Variants in SPEF2 observed in about 807,000 individuals in gnomAD.
The protein encoded by SPEF2 is sperm flagella and cilia-associated protein 2.
SPEF2 carries 187 observed loss-of-function variants against 224.6 expected under a neutral mutation model. The observed-to-expected ratio is 0.83, with a 90% CI of 0.74 to 0.94. The LOEUF is 0.94. Ranked by LOEUF, SPEF2 falls within the 40% of genes least tolerant of loss-of-function variation. SPEF2 has a pLI of 0.00. For synonymous variants in SPEF2, 715 were observed against 707.3 expected, an observed-to-expected ratio of 1.01 and a Z score of -0.17; for missense variants, 2,170 against 2,135.6, an observed-to-expected ratio of 1.02 and a Z score of -0.32.
intron 21 of SPEF2, among the ~76,000 whole-genome samples, chr5:35,737,041 C>T (rs929389120): frequency 2.0e-5 from 3 of 152,162 alleles, no homozygotes; most frequent in East Asian, 1.9e-4. Flanking sequence ...CAGGATCATA[C>T]TGATAAAGCT....
intron 8 of SPEF2, among the ~76,000 whole-genome samples, chr5:35,662,068 C>T (rs1170652327): frequency 1.3e-5 from 2 of 152,148 alleles, no homozygotes; most frequent in Non-Finnish European, 2.9e-5. Context: ...TCCTTTTTCT[C>T]TACAACCTCA....
At position 35,760,673 on chromosome 5, in the gene SPEF2, A is replaced by C. The variant is rs574324987; in HGVS notation, c.3620+954A>C. On this transcript the variant is annotated intron_variant, in intron 25 of 36. Coordinates refer to ENST00000356031, the MANE Select transcript of SPEF2 (RefSeq NM_024867.4). ...TGTGCAATATAAAAGTCTGTAAGTCATTGTTTTTGTAGATCCAATGGGTAG... is the reference window on the plus strand; with the variant it reads ...TGTGCAATATAAAAGTCTGTAAGTCCTTGTTTTTGTAGATCCAATGGGTAG... Among the ~76,000 whole-genome samples, 197 of 152,298 alleles carry C rather than the reference A, an allele frequency of 1.3e-3. 1 individual carries two copies. Among genetic ancestry groups the C allele is most frequent in the African/African-American group, 4.6e-3 (192 of 41,564 alleles).
At chr5:35,741,210 T>C (rs991394530) in intron 23 of SPEF2, among the ~76,000 whole-genome samples, 3 of 152,136 alleles carry the variant, frequency 2.0e-5, no homozygotes, top group African/African-American at 7.2e-5. Context: ...TCATAAGAGC[T>C]ATGTAGAGAG....
chr5:35,772,184 T>C (rs562226169), intron 27 of SPEF2, among the ~76,000 whole-genome samples: 1 of 152,260 alleles, frequency 6.6e-6, no homozygotes, highest in South Asian at 2.1e-4. Context: ...CTCAGTAGCA[T>C]GAGGGAAAAC....
At chr5:35,685,832 A>G (rs958890244) in intron 10 of SPEF2, among the ~76,000 whole-genome samples, 8 of 151,750 alleles carry the variant, frequency 5.3e-5, no homozygotes, top group Non-Finnish European at 1.0e-4. Flanking sequence ...GAGCTAAATC[A>G]TACACAAGAA....
chr5:35,810,347 G>C (rs1176815042), intron 36 of SPEF2, among the ~76,000 whole-genome samples: 2 of 152,090 alleles, frequency 1.3e-5, no homozygotes, highest in African/African-American at 4.8e-5. Context: ...GAGTAGCTGG[G>C]ATGACAGGTG....
At chr5:35,806,211 C>T (rs1758028204) in intron 34 of SPEF2, among the ~76,000 whole-genome samples, 2 of 152,262 alleles carry the variant, frequency 1.3e-5, no homozygotes, top group East Asian at 3.9e-4. Flanking sequence ...AAAATCCCAA[C>T]CTGATTTTGT....
Position 35,771,688 on chromosome 5 carries a change from A to G in SPEF2, c.3881A>G (p.Gln1294Arg). Residue 1294 changes from glutamine (Q) to arginine (R), a missense_variant, in exon 27 of 37, where the codon CAG (glutamine) becomes CGG (arginine). Coordinates refer to ENST00000356031, the MANE Select transcript of SPEF2 (RefSeq NM_024867.4). ...QPADPKEKSP[Q>R]MGANKKVKKE... ...GCAGACCCCAAAGAAAAATCTCCTC[A>G]GATGGGTGCAAATAAAAAAGTCAAA... The G allele has an allele frequency of 6.2e-7, 1 of 1,609,336 alleles. No homozygotes were observed. Among genetic ancestry groups the G allele is most frequent in the Non-Finnish European group, 8.5e-7 (1 of 1,178,884 alleles).
intron 21 of SPEF2, among the ~76,000 whole-genome samples, chr5:35,737,082 A>G (rs531944432): frequency 6.6e-6 from 1 of 152,310 alleles, no homozygotes; most frequent in Admixed American, 6.5e-5. Flanking sequence ...AATTCTTTGA[A>G]GAAATGCTTT....
At chr5:35,794,554 G>C (rs541967182) in intron 32 of SPEF2, among the ~76,000 whole-genome samples, 19 of 152,286 alleles carry the variant, frequency 1.2e-4, no homozygotes, top group African/African-American at 4.3e-4. Flanking sequence ...AATTTGTTAA[G>C]GTGGTTTTGT....
intron 36 of SPEF2, among the ~76,000 whole-genome samples, chr5:35,811,624 G>T (rs1758536206): frequency 6.6e-6 from 1 of 151,180 alleles, no homozygotes; most frequent in African/African-American, 2.4e-5. Flanking sequence ...GGTGGGGGGG[G>T]TGGGGTTTGT....
intron 28 of SPEF2, among the ~76,000 whole-genome samples, chr5:35,775,213 G>A (rs1271686006): frequency 2.6e-5 from 4 of 152,002 alleles, no homozygotes; most frequent in East Asian, 1.9e-4. Flanking sequence ...GTGAAGGATC[G>A]ATTGTGTTTG....
chr5:35,774,123 A>G (rs1753268215), intron 28 of SPEF2, 102 bp downstream of exon 28: 1 of 1,432,150 alleles, frequency 7.0e-7, no homozygotes, highest in South Asian at 1.4e-5. Flanking sequence ...CATGTCTATG[A>G]GAACATACAG....
At chr5:35,695,851 A>G (rs1755235280) in intron 14 of SPEF2, 55 bp downstream of exon 14, 2 of 1,394,628 alleles carry the variant, frequency 1.4e-6, no homozygotes, top group Non-Finnish European at 2.0e-6. Flanking sequence ...GTCATGATTA[A>G]TGGTGTTTTG....
chr5:35,643,179 C>T (rs1188995376), intron 3 of SPEF2, among the ~76,000 whole-genome samples: 1 of 151,780 alleles, frequency 6.6e-6, no homozygotes, highest in Non-Finnish European at 1.5e-5. Context: ...AAACAAGTGC[C>T]TATTAGCTCA....
chr5:35,789,526 C>A, intron 30 of SPEF2: 1 of 652,390 alleles, frequency 1.5e-6, no homozygotes, highest in South Asian at 1.8e-5. Flanking sequence ...ATGGTGGATT[C>A]AGCCACACAC....
At chr5:35,682,896 C>T (rs1753033675) in intron 10 of SPEF2, among the ~76,000 whole-genome samples, 1 of 152,144 alleles carries the variant, frequency 6.6e-6, no homozygotes, top group African/African-American at 2.4e-5. Context: ...TCGGCAGCAT[C>T]ATTCAATCAC....
intron 20 of SPEF2, among the ~76,000 whole-genome samples, chr5:35,726,873 TAACAGATCTAGATTCCCCTCTTG>T (rs1212007523): frequency 6.6e-6 from 1 of 152,174 alleles, no homozygotes; most frequent in Non-Finnish European, 1.5e-5. Context: ...GGGCGCCACT[TAACAGATCTAGATTCCCCTCTTG>T]ATGTTATCAG....
intron 30 of SPEF2, chr5:35,788,887 T>G (rs1755564969): frequency 1.4e-6 from 1 of 702,790 alleles, no homozygotes; most frequent in African/African-American, 1.7e-5. Flanking sequence ...TTCATAAGAG[T>G]GCTCTGAGAA....
Sources: gnomAD v4.1 joint callset for allele counts (sites outside exome capture counted in the v4.1 genomes callset) on GRCh38, gnomAD v4.1.1 for gene constraint, MANE v1.5 for transcripts, NCBI Gene and HGNC (gene_info 2026-07-23, HGNC 2026-07-21) for gene names.